The following SYMPK variants were observed in gnomAD, a reference collection of about 807,000 sequenced individuals.
SYMPK encodes the protein symplekin.
SYMPK carries 49 observed loss-of-function variants against 136.4 expected under a neutral mutation model. That is an observed-to-expected ratio of 0.36 (90% CI 0.29 to 0.46). The LOEUF is 0.46. SYMPK is among the 20% of genes least tolerant of loss of function. SYMPK has a pLI of 1.00. For missense variants in SYMPK, 1,365 were observed against 1,690.0 expected (o/e 0.81, Z 3.37); for synonymous variants, 766 against 713.0 (o/e 1.07, Z -1.19).
chr19:45,854,385 G>A lies in SYMPK; in HGVS notation c.105+6C>T, dbSNP rs772490965. The A allele has an allele frequency of 5.0e-6, 8 of 1,613,402 alleles. No homozygotes were observed. The highest frequency in any genetic ancestry group is 1.7e-5 in the Admixed American group (1 of 59,984). On this transcript the variant is annotated splice_donor_region_variant and intron_variant, in intron 2 of 26. Transcript: ENST00000245934. ...CCTCACTCCAAGCCCTACCCGCCAC[G>A]CTCACCCTCTCTGAGGTGGTCATGC... is the stretch of plus-strand genomic sequence containing the variant.
chr19:45,856,108 C>G (rs538660965), intron 1 of SYMPK, among the ~76,000 whole-genome samples: 1 of 152,048 alleles, frequency 6.6e-6, no homozygotes, highest in Non-Finnish European at 1.5e-5. Context: ...AATCCCAACA[C>G]TTTGGGAGGC....
At chr19:45,844,235 C>A in intron 7 of SYMPK, 35 bp from the exon 8 acceptor site, 5 of 1,510,498 alleles carry the variant, frequency 3.3e-6, no homozygotes, top group Non-Finnish European at 4.4e-6. Flanking sequence ...TCAGTGGGAT[C>A]CGTTTTCCCA....
At chr19:45,838,682 G>C (rs1243753039) in intron 9 of SYMPK, 67 bp from the exon 10 acceptor site, 5 of 1,527,254 alleles carry the variant, frequency 3.3e-6, no homozygotes, top group Non-Finnish European at 4.4e-6. Context: ...TCCTTCCGGG[G>C]TGCCCGGGTG....
chr19:45,840,741 G>A (rs1261140204), intron 9 of SYMPK, among the ~76,000 whole-genome samples: 2 of 151,728 alleles, frequency 1.3e-5, no homozygotes, highest in Admixed American at 1.3e-4. Context: ...TACTCAGGAA[G>A]CAGAGGTATG....
chr19:45,819,327 C>T (rs4803857), intron 22 of SYMPK: 38,966 of 152,272 alleles, frequency 0.26, 5,938 homozygotes, highest in Admixed American at 0.39. Flanking sequence ...CCTCGGCCTG[C>T]GAGACTCCTG....
chr19:45,816,700 C>T (rs1012980828), intron 24 of SYMPK, 98 bp downstream of exon 24: 26 of 1,499,010 alleles, frequency 1.7e-5, no homozygotes, highest in Middle Eastern at 1.7e-4. Flanking sequence ...TTCTTGTGTC[C>T]GCCTCCATCC....
chr19:45,862,725 G>A (rs531217483), intron 1 of SYMPK, among the ~76,000 whole-genome samples: 1 of 152,366 alleles, frequency 6.6e-6, no homozygotes, highest in Admixed American at 6.5e-5. Flanking sequence ...GCAGGCAGAA[G>A]GGACAGCCTG....
chr19:45,837,788 G>A (rs1161482834), intron 10 of SYMPK, among the ~76,000 whole-genome samples: 1 of 151,982 alleles, frequency 6.6e-6, no homozygotes, highest in African/African-American at 2.4e-5. Flanking sequence ...CTACAGGGGT[G>A]GAAAAGAGGG....
chr19:45,845,317 T>G lies in SYMPK; in HGVS notation c.677-1117A>C, dbSNP rs545199091. Among the ~76,000 whole-genome samples, 269 of 152,210 alleles carry G rather than the reference T, an allele frequency of 1.8e-3. 3 individuals are homozygous for G. Among genetic ancestry groups the G allele is most frequent in the Non-Finnish European group, 6.0e-4 (41 of 68,010 alleles). ...CTTATTTGTTCTAACTATTTTTTTG[T>G]ACCCATTAACCATTCCCACTTCCTC... On this transcript the variant is annotated intron_variant, in intron 7 of 26. Transcript: ENST00000245934.
chr19:45,839,457 T>TA lies in SYMPK; in HGVS notation c.1088-843dup, dbSNP rs76594778. On this transcript the variant is annotated intron_variant, in intron 9 of 26. Transcript: ENST00000245934. ...GGAAGAAGAAGAGAAAGTTCTTCCTTACAGCAGAATGTCAACTGATAAATG... is the reference window on the plus strand; with the variant it reads ...GGAAGAAGAAGAGAAAGTTCTTCCTTAACAGCAGAATGTCAACTGATAAATG... Among the ~76,000 whole-genome samples the TA allele has an allele frequency of 4.5e-4, 68 of 152,278 alleles. 1 individual carries two copies. The East Asian group carries it at 0.013, about 29-fold the overall frequency.
At chr19:45,838,376 G>A (rs1971356427) in intron 10 of SYMPK, 85 bp downstream of exon 10, 2 of 1,469,764 alleles carry the variant, frequency 1.4e-6, no homozygotes, top group Non-Finnish European at 9.2e-7. Context: ...TGGAGGAGGT[G>A]GATGGTGTGA....
intron 9 of SYMPK, 34 bp from the exon 10 acceptor site, chr19:45,838,649 T>C (rs776689245): frequency 6.9e-6 from 11 of 1,594,674 alleles, no homozygotes; most frequent in African/African-American, 5.4e-5. Flanking sequence ...ATGCTGGCTA[T>C]AGAGAGAGCT....
intron 1 of SYMPK, among the ~76,000 whole-genome samples, chr19:45,861,104 A>C (rs79935526): frequency 0.14 from 21,730 of 152,260 alleles, 1,631 homozygotes; most frequent in South Asian, 0.18. Context: ...AACATAAAAA[A>C]AACAGGCCGG....
chr19:45,853,450 T>G (rs1272394508), intron 3 of SYMPK, among the ~76,000 whole-genome samples: 1 of 151,940 alleles, frequency 6.6e-6, no homozygotes, highest in African/African-American at 2.4e-5. Flanking sequence ...ACCAGCCTGG[T>G]CAACATGGTG....
chr19:45,816,858 G>A lies in SYMPK; in HGVS notation c.3198C>T (p.Asp1066=), dbSNP rs1378281693. ...LPPQQLGAVF[D]KCPELREPLL... ...GGGGCTCCCGGAGCTCTGGGCACTT[G>A]TCAAAGACGGCTCCCAGCTGCTGGG... Residue 1066 remains aspartate (D), a synonymous_variant, in exon 24 of 27, where the codon GAC becomes GAT. Transcript: ENST00000245934. The A allele has an allele frequency of 1.9e-6, 3 of 1,549,856 alleles. No individual in the cohort carries two copies. The highest frequency in any genetic ancestry group is 1.7e-6 in the Non-Finnish European group (2 of 1,146,778).
In SYMPK at chr19:45,830,365, T is replaced by C. The variant is rs377054894; in HGVS notation, c.1599-161A>G. 141 of 830,406 alleles carry C rather than the reference T, an allele frequency of 1.7e-4. 1 individual carries two copies. In the East Asian group the frequency reaches 3.0e-3, roughly 18 times the overall value. 51.4% of individuals were successfully genotyped at this position (830,406 alleles called of 1,614,324 possible). Reference sequence around the variant, plus strand: ...GTGTCTCTGAGGCACGGTGTGGCGGTGGGTAAGAGGAAGGAAGAGGATGTT... The same window carrying C: ...GTGTCTCTGAGGCACGGTGTGGCGGCGGGTAAGAGGAAGGAAGAGGATGTT... On this transcript the variant is annotated intron_variant, in intron 12 of 26. Coordinates refer to ENST00000245934, the MANE Select transcript of SYMPK (RefSeq NM_004819.3).
rs528649070 is a variant in SYMPK at position 45,830,402 on chromosome 19, G to C, written c.1599-198C>G. The C allele has an allele frequency of 8.2e-5, 50 of 606,390 alleles. No individual in the cohort carries two copies. The African/African-American group carries it at 8.5e-4, about 10-fold the overall frequency. 37.6% of individuals were successfully genotyped at this position (606,390 alleles called of 1,614,324 possible). On this transcript the variant is annotated intron_variant, in intron 12 of 26. Transcript: ENST00000245934. ...AGGAAGAGGATGTTATTTTGGTTTT[G>C]CAGAGGGCGTCTTACGGAAGGCTTC...
Position 45,838,407 on chromosome 19 carries a change from C to T in SYMPK, c.1242+54G>A, listed in dbSNP as rs978652510. 2.2e-5 allele frequency: 34 copies of T among 1,567,562 alleles called. No individual in the cohort carries two copies. In the East Asian group the frequency reaches 2.3e-4, roughly 11 times the overall value. On this transcript the variant is annotated intron_variant, in intron 10 of 26. Transcript: ENST00000245934. ...TGTGAAGTGGAGGCAGGTGAAAGAC[C>T]GAGGAGATCCTTCCTTCCTGCCCAG...
At chr19:45,825,443 C>T in intron 17 of SYMPK, 112 bp from the exon 18 acceptor site, 1 of 1,347,978 alleles carries the variant, frequency 7.4e-7, no homozygotes, top group African/African-American at 1.5e-5. Context: ...GAGAAGGGAG[C>T]CGGGGCTGGG....
Sources: allele counts gnomAD v4.1 joint callset (sites outside exome capture counted in the v4.1 genomes callset), GRCh38; gene constraint gnomAD v4.1.1; transcripts MANE v1.5; gene names NCBI Gene and HGNC (gene_info 2026-07-23, HGNC 2026-07-21).